MYO5B: variants seen among roughly 807,000 people sequenced by gnomAD.
MYO5B encodes the protein unconventional myosin-Vb.
A neutral mutation model predicts 229.3 loss-of-function variants in MYO5B; 143 were observed. The observed-to-expected ratio is 0.62, with a 90% confidence interval of 0.54 to 0.72. The LOEUF is 0.72. Ranked by LOEUF, MYO5B falls within the 30% of genes least tolerant of loss-of-function variation. MYO5B has a pLI of 0.00. For missense variants in MYO5B, 2,321 were observed against 2,331.0 expected (o/e 1.00, Z 0.09); for synonymous variants, 918 against 885.2 (o/e 1.04, Z -0.66).
chr18:50,162,612 C>T (rs896408512), intron 1 of MYO5B, among the ~76,000 whole-genome samples: 6 of 152,210 alleles, frequency 3.9e-5, no homozygotes, highest in Non-Finnish European at 8.8e-5. Context: ...ATTCCAAAAG[C>T]AAACTGGGCG....
At chr18:49,991,463 C>T (rs7235775) in intron 6 of MYO5B, among the ~76,000 whole-genome samples, 31,755 of 151,976 alleles carry the variant, frequency 0.21, 5,063 homozygotes, top group African/African-American at 0.45. Context: ...AGGAGGACTT[C>T]TATCGGCGTT....
chr18:50,031,343 A>AGTTACTG (rs2026387493), intron 4 of MYO5B, among the ~76,000 whole-genome samples: 1 of 152,158 alleles, frequency 6.6e-6, no homozygotes, highest in Admixed American at 6.5e-5. Context: ...TCTGAACTCC[A>AGTTACTG]TCTGTACCCA....
At chr18:49,973,838 G>A (rs189695803) in intron 10 of MYO5B, among the ~76,000 whole-genome samples, 23 of 152,156 alleles carry the variant, frequency 1.5e-4, no homozygotes, top group African/African-American at 5.3e-4. Flanking sequence ...AATTCTGAAA[G>A]GAAGAGAAAC....
chr18:49,867,045 G>A (rs1444052505), intron 27 of MYO5B, among the ~76,000 whole-genome samples: 1 of 152,132 alleles, frequency 6.6e-6, no homozygotes, highest in African/African-American at 2.4e-5. Context: ...AGAGCTGGTG[G>A]GGGTCAAGAG....
chr18:50,164,193 C>G (rs1470049857), intron 1 of MYO5B, among the ~76,000 whole-genome samples: 1 of 152,210 alleles, frequency 6.6e-6, no homozygotes, highest in East Asian at 1.9e-4. Flanking sequence ...GCTACTCCAA[C>G]TTTGGGCGCC....
intron 35 of MYO5B, among the ~76,000 whole-genome samples, chr18:49,840,793 C>T (rs776479867): frequency 1.3e-5 from 2 of 152,104 alleles, no homozygotes; most frequent in East Asian, 1.9e-4. Context: ...CTTACAGGTC[C>T]GGTGTGGATT....
chr18:50,055,202 T>C, intron 2 of MYO5B, 66 bp downstream of exon 2: 1 of 1,089,550 alleles, frequency 9.2e-7, no homozygotes, highest in Non-Finnish European at 1.4e-6. Context: ...TCTACTCCTG[T>C]TCCTTGCACA....
intron 2 of MYO5B, among the ~76,000 whole-genome samples, chr18:50,044,490 G>C (rs147801705): frequency 6.6e-6 from 1 of 152,190 alleles, no homozygotes; most frequent in East Asian, 1.9e-4. Context: ...TCACCACTCA[G>C]AGTGGACCTT....
chr18:49,841,118 C>G (rs1240992376), intron 35 of MYO5B, among the ~76,000 whole-genome samples: 2 of 152,198 alleles, frequency 1.3e-5, no homozygotes, highest in Admixed American at 6.5e-5. Context: ...GTTATGCAGA[C>G]TCTACTTACA....
intron 1 of MYO5B, among the ~76,000 whole-genome samples, chr18:50,100,668 C>T (rs1308151303): frequency 6.6e-6 from 1 of 152,226 alleles, no homozygotes; most frequent in Admixed American, 6.5e-5. Flanking sequence ...CCAAAAGCCA[C>T]ATACTATGCA....
At chr18:49,893,292 T>C (rs1307611744) in intron 22 of MYO5B, among the ~76,000 whole-genome samples, 1 of 152,148 alleles carries the variant, frequency 6.6e-6, no homozygotes, top group Non-Finnish European at 1.5e-5. Flanking sequence ...GCAGGGAATG[T>C]TTTTTCTCCC....
intron 6 of MYO5B, 93 bp downstream of exon 6, chr18:49,992,195 G>T: frequency 6.6e-7 from 1 of 1,520,082 alleles, no homozygotes; most frequent in Non-Finnish European, 9.1e-7. Flanking sequence ...TCACAAGAGA[G>T]ATTCTCTTTG....
At chr18:49,980,615 A>T (rs2025803990) in intron 8 of MYO5B, 62 bp from the exon 9 acceptor site, 1 of 1,258,650 alleles carries the variant, frequency 7.9e-7, no homozygotes, top group East Asian at 2.3e-5. Context: ...AGGACATTTT[A>T]CCCCTTTTAA....
intron 17 of MYO5B, among the ~76,000 whole-genome samples, chr18:49,926,632 C>T (rs557243693): frequency 6.6e-6 from 1 of 152,332 alleles, no homozygotes; most frequent in South Asian, 2.1e-4. Flanking sequence ...AGAGGGGATC[C>T]AATGTTGGCA....
At chr18:50,062,881 C>G (rs1050291112) in intron 1 of MYO5B, among the ~76,000 whole-genome samples, 2 of 152,090 alleles carry the variant, frequency 1.3e-5, no homozygotes, top group Non-Finnish European at 2.9e-5. Flanking sequence ...GTCCCCACTC[C>G]CATCATCAGG....
intron 1 of MYO5B, among the ~76,000 whole-genome samples, chr18:50,137,766 C>T (rs367594006): frequency 2.6e-5 from 4 of 152,258 alleles, no homozygotes; most frequent in Admixed American, 6.5e-5. Flanking sequence ...ATAAAGAATA[C>T]GTGGTACACA....
At chr18:50,190,511 T>G (rs1241208202) in intron 1 of MYO5B, among the ~76,000 whole-genome samples, 1 of 152,200 alleles carries the variant, frequency 6.6e-6, no homozygotes, top group African/African-American at 2.4e-5. Flanking sequence ...GTGCTCTTTC[T>G]CCATCCAGAA....
intron 1 of MYO5B, among the ~76,000 whole-genome samples, chr18:50,066,900 G>C (rs2030834133): frequency 6.6e-6 from 1 of 152,044 alleles, no homozygotes; most frequent in Admixed American, 6.5e-5. Flanking sequence ...GATAACCATA[G>C]ATCCCCTAGG....
intron 5 of MYO5B, among the ~76,000 whole-genome samples, chr18:49,994,309 T>C (rs1011239839): frequency 2.0e-5 from 3 of 152,220 alleles, no homozygotes; most frequent in African/African-American, 7.2e-5. Context: ...CACTCAAAAA[T>C]ATTTAAGTGA....
Sources: allele counts gnomAD v4.1 joint callset (sites outside exome capture counted in the v4.1 genomes callset), GRCh38; gene constraint gnomAD v4.1.1; transcripts MANE v1.5; gene names NCBI Gene and HGNC (gene_info 2026-07-23, HGNC 2026-07-21).